AXL: variants seen among roughly 807,000 people sequenced by gnomAD.
The protein encoded by AXL is tyrosine-protein kinase receptor UFO.
AXL carries 52 observed loss-of-function variants against 104.5 expected under a neutral mutation model. The ratio of observed to expected loss-of-function variants is 0.50; its 90% CI spans 0.40 to 0.63. The LOEUF (loss-of-function observed/expected upper bound fraction) is 0.63, where lower values mean the gene tolerates loss of function less well. Ranked by LOEUF, AXL falls within the 20% of genes least tolerant of loss-of-function variation. The probability of loss-of-function intolerance (pLI) is 0.00; values close to 1 mark genes in which losing one functional copy is unlikely to be tolerated. For missense variants in AXL, 1,024 were observed against 1,188.5 expected, an observed-to-expected ratio of 0.86 and a Z score of 2.04; for synonymous variants, 455 against 473.7, an observed-to-expected ratio of 0.96 and a Z score of 0.51.
Position 41,248,757 on chromosome 19 carries a change from G to T in AXL, c.1648G>T (p.Val550Leu). Residue 550 changes from valine (V) to leucine (L), a missense_variant, in exon 14 of 20, where the codon GTG becomes TTG. Around this residue, in one of 5 missense-constraint regions of AXL, gnomAD observed 523 missense variants for 636.0 expected, o/e 0.82. Transcript: ENST00000301178. ...KTLGEGEFGA[V>L]MEGQLNQDDS... The stretch of plus-strand genomic sequence containing the variant: ...GCCCCCCACAGGAGAGTTTGGAGCT[G>T]TGATGGAAGGCCAGCTCAACCAGGA... 6.2e-7 allele frequency: 1 copy of T among 1,614,140 alleles called. No individual in the cohort carries two copies. The highest frequency in any genetic ancestry group is 8.5e-7 in the Non-Finnish European group (1 of 1,180,018).
At position 41,252,443 on chromosome 19, in the gene AXL, G is replaced by A. The variant is rs762510681; in HGVS notation, c.1804G>A (p.Gly602Ser). 76 of 1,613,782 alleles carry A rather than the reference G, an allele frequency of 4.7e-5. No homozygotes were observed. The highest frequency in any genetic ancestry group is 1.3e-4 in the South Asian group (12 of 91,070). Residue 602 changes from glycine to serine, a missense_variant and splice_region_variant, in exon 15 of 20, where the codon GGT becomes AGT. Transcript: ENST00000301178. Reference sequence around the variant, plus strand: ...CCATCCCAACGTCATGAGGCTCATCGGTGAGAGAGGGGCAGATTCAAGGGG... The same window carrying A: ...CCATCCCAACGTCATGAGGCTCATCAGTGAGAGAGGGGCAGATTCAAGGGG... ...FDHPNVMRLIGVCFQGSERES... is the reference protein window; with the variant it reads ...FDHPNVMRLISVCFQGSERES...
intron 17 of AXL, among the ~76,000 whole-genome samples, chr19:41,254,778 G>A (rs1184946260): frequency 6.6e-6 from 1 of 152,116 alleles, no homozygotes; most frequent in Non-Finnish European, 1.5e-5. Flanking sequence ...GCTGGGCATG[G>A]TGGTGTATAC....
At chr19:41,257,781 A>G in intron 19 of AXL, 152 bp downstream of exon 19, 1 of 1,002,770 alleles carries the variant, frequency 1.0e-6, no homozygotes, top group Non-Finnish European at 1.5e-6. Flanking sequence ...TGCTCTGAGT[A>G]GGGCCATCAC....
At chr19:41,225,828 A>G (rs1448516028) in intron 4 of AXL, among the ~76,000 whole-genome samples, 1 of 151,652 alleles carries the variant, frequency 6.6e-6, no homozygotes, top group Admixed American at 6.6e-5. Context: ...AGTGTGATTC[A>G]TTGTGAGTGT....
intron 4 of AXL, among the ~76,000 whole-genome samples, chr19:41,225,990 G>C (rs1191311630): frequency 6.6e-6 from 1 of 152,194 alleles, no homozygotes; most frequent in South Asian, 2.1e-4. Context: ...GGATGGTCAG[G>C]ACATCTGGAA....
rs536158316 is a variant in AXL at position 41,242,103 on chromosome 19, C to A, written c.1313-780C>A. On this transcript the variant is annotated intron_variant, in intron 10 of 19. Coordinates refer to ENST00000301178, the MANE Select transcript of AXL (RefSeq NM_021913.5). ...GTTCATCTAGCCCTCTTGGCACACT[C>A]ATAACGCGTTCCACACATCTCTCCC... Among the ~76,000 whole-genome samples the A allele has an allele frequency of 5.3e-5, 8 of 152,184 alleles. No homozygotes were observed. The East Asian group carries it at 1.5e-3, about 29-fold the overall frequency.
At chr19:41,239,848 AG>A in intron 10 of AXL, 128 bp downstream of exon 10, 1 of 1,363,764 alleles carries the variant, frequency 7.3e-7, no homozygotes, top group Non-Finnish European at 1.0e-6. Flanking sequence ...CTACTTCTTG[AG>A]TTTGTGTGGT....
In AXL at chr19:41,257,588, G is replaced by A. The variant is rs1003192793; in HGVS notation, c.2292G>A (p.Gln764=). The change falls in exon 19 of 20, where the codon CAG becomes CAA. Residue 764 remains glutamine (Q), a synonymous_variant. Coordinates refer to ENST00000301178, the MANE Select transcript of AXL (RefSeq NM_021913.5). The stretch of plus-strand genomic sequence containing the variant: ...GCGAGATTTATGACTATCTGCGCCA[G>A]GGAAATCGCCTGAAGCAGCCTGCGG... The part of the protein sequence containing the change: ...ENSEIYDYLR[Q]GNRLKQPADC... The A allele has an allele frequency of 1.9e-6, 3 of 1,614,192 alleles. No homozygotes were observed. In the African/African-American group the frequency reaches 4.0e-5, roughly 22 times the overall value.
rs972694652 is a variant in AXL at position 41,241,370 on chromosome 19, C to A, written c.1313-1513C>A. Among the ~76,000 whole-genome samples, 6 of 151,914 alleles carry A rather than the reference C, an allele frequency of 3.9e-5. 1 individual carries two copies. In the South Asian group the frequency reaches 6.2e-4, roughly 16 times the overall value. On this transcript the variant is annotated intron_variant, in intron 10 of 19. Coordinates refer to ENST00000301178, the MANE Select transcript of AXL (RefSeq NM_021913.5). Reference sequence around the variant, plus strand: ...CCAGCCTGGCCAACATTGGCGAAAACCCATCTCTACTAAAAATACAAAAAT... The same window carrying A: ...CCAGCCTGGCCAACATTGGCGAAAAACCATCTCTACTAAAAATACAAAAAT...
At chr19:41,223,456 AG>A (rs2033828175) in intron 4 of AXL, among the ~76,000 whole-genome samples, 1 of 152,126 alleles carries the variant, frequency 6.6e-6, no homozygotes, top group South Asian at 2.1e-4. Flanking sequence ...CCCTGGATTC[AG>A]GGGGTTCTCC....
chr19:41,246,943 G>A (rs2034281911), intron 12 of AXL, among the ~76,000 whole-genome samples: 1 of 152,050 alleles, frequency 6.6e-6, no homozygotes, highest in Non-Finnish European at 1.5e-5. Flanking sequence ...CAATGTAAAG[G>A]TGTCCTGATG....
chr19:41,231,422 G>T (rs2033987109), intron 6 of AXL, 124 bp downstream of exon 6: 3 of 898,386 alleles, frequency 3.3e-6, no homozygotes, highest in Admixed American at 2.9e-5. Context: ...AGAGCCTGGG[G>T]GGTTAAGCCA....
rs35202236 is a variant in AXL, at chr19:41,221,172, C to A, written c.335C>A (p.Thr112Lys). The A allele has an allele frequency of 6.2e-7, 1 of 1,614,054 alleles. No individual in the cohort carries two copies. Among genetic ancestry groups the A allele is most frequent in the Non-Finnish European group, 8.5e-7 (1 of 1,180,002 alleles). The change falls in exon 3 of 20, where the codon ACG (threonine) becomes AAG (lysine). Residue 112 changes from threonine to lysine, a missense_variant. By Grantham distance (78) the Thr-to-Lys change is moderately conservative (BLOSUM62 -1). Transcript: ENST00000301178. Reference protein sequence around the residue: ...LRITSLQLSDTGQYQCLVFLG... With the variant: ...LRITSLQLSDKGQYQCLVFLG... The stretch of plus-strand genomic sequence containing the variant: ...ATCACCTCCCTGCAGCTTTCCGACA[C>A]GGGACAGTACCAGTGTTTGGTGTTT...
chr19:41,256,171 A>G lies in AXL; in HGVS notation c.2037-281A>G, dbSNP rs369781006. On this transcript the variant is annotated intron_variant, in intron 17 of 19. Coordinates refer to ENST00000301178, the MANE Select transcript of AXL (RefSeq NM_021913.5). ...ATGTACAGTATACTTCAAGAAAAAA[A>G]AATTTCATCAAGGAATCAAACCCAA... Among the ~76,000 whole-genome samples the G allele has an allele frequency of 5.9e-5, 9 of 152,330 alleles. 1 individual carries two copies. Among genetic ancestry groups the G allele is most frequent in the African/African-American group, 2.2e-4 (9 of 41,562 alleles).
At chr19:41,219,756 G>A (rs1356064243) in intron 1 of AXL, among the ~76,000 whole-genome samples, 1 of 150,882 alleles carries the variant, frequency 6.6e-6, no homozygotes, top group African/African-American at 2.4e-5. Flanking sequence ...AGGGGTGGGG[G>A]CTGGACCTGA....
Position 41,259,589 on chromosome 19 carries a change from C to G in AXL, c.2370C>G (p.Pro790=). The change falls in exon 20 of 20, where the codon CCC becomes CCG. Residue 790 remains proline, a synonymous_variant. Transcript: ENST00000301178. ...ALMSRCWELN[P]QDRPSFTELR... is the part of the protein sequence containing the mutation. ...TGTCGCGGTGCTGGGAGCTAAATCC[C>G]CAGGACCGGCCAAGTTTTACAGAGC... 6.2e-7 allele frequency: 1 copy of G among 1,612,588 alleles called. No individual in the cohort carries two copies.
rs2033741058 is a variant in AXL, at chr19:41,219,328, G to A, written c.-65G>A. 2.7e-6 allele frequency: 4 copies of A among 1,469,284 alleles called. No individual in the cohort carries two copies. In the Admixed American group the frequency reaches 6.5e-5, roughly 24 times the overall value. 91.0% of individuals were successfully genotyped at this position (1,469,284 alleles called of 1,614,324 possible). A position where few individuals can be genotyped will look rare whatever the true frequency, so the allele number is the denominator to read the frequency against. On this transcript the variant is annotated 5_prime_UTR_variant, in exon 1 of 20. Transcript: ENST00000301178. ...GCCTGGAGCTGGGGGGAGGGCCGGG[G>A]ACAGCCCGGCCCTGCCCCCTCCCCC...
intron 19 of AXL, 25 bp downstream of exon 19, chr19:41,257,654 A>G (rs1043978163): frequency 2.5e-6 from 4 of 1,613,350 alleles, no homozygotes; most frequent in Admixed American, 3.3e-5. Context: ...GTCTCCCCCA[A>G]CCCAGAATTC....
intron 17 of AXL, among the ~76,000 whole-genome samples, chr19:41,255,851 T>G (rs1265431840): frequency 6.6e-6 from 1 of 152,140 alleles, no homozygotes; most frequent in Admixed American, 6.5e-5. Flanking sequence ...TTCAACTGAT[T>G]CTCTTGCTTC....
Sources: gnomAD v4.1 joint callset for allele counts (sites outside exome capture counted in the v4.1 genomes callset) on GRCh38, gnomAD v4.1.1 for gene constraint, gnomAD v4.1.1 regional missense constraint, MANE v1.5 for transcripts, NCBI Gene and HGNC (gene_info 2026-07-23, HGNC 2026-07-21) for gene names.